Variants in IGSF23 observed in about 807,000 individuals in gnomAD.
IGSF23 encodes the protein immunoglobulin superfamily member 23, also known as immunoglobulin superfamily, member 23.
IGSF23 carries 14 observed loss-of-function variants against 17.8 expected under a neutral mutation model. The observed-to-expected ratio is 0.79, with a 90% CI of 0.52 to 1.23. The LOEUF (loss-of-function observed/expected upper bound fraction) is 1.23. Among genes scored for constraint, IGSF23 ranks in the 50% most tolerant of loss-of-function variants. The pLI, the probability that IGSF23 is intolerant of heterozygous loss-of-function variation, is 0.00. For synonymous variants in IGSF23, 85 were observed against 92.5 expected (o/e 0.92, Z 0.46); for missense variants, 214 against 241.7 (o/e 0.89, Z 0.76).
At chr19:44,633,259 T>C (rs576473074) in intron 3 of IGSF23, among the ~76,000 whole-genome samples, 1 of 152,376 alleles carries the variant, frequency 6.6e-6, no homozygotes, top group African/African-American at 2.4e-5. Flanking sequence ...CAGCGGCCAC[T>C]GTTCTAAACA....
chr19:44,631,735 C>A (rs923892572), intron 3 of IGSF23, among the ~76,000 whole-genome samples: 1 of 152,214 alleles, frequency 6.6e-6, no homozygotes, highest in African/African-American at 2.4e-5. Flanking sequence ...GAAATAAAGG[C>A]ATGGGTATGG....
At chr19:44,628,739 G>A (rs992718808) in intron 3 of IGSF23, among the ~76,000 whole-genome samples, 4 of 152,140 alleles carry the variant, frequency 2.6e-5, no homozygotes. Context: ...GACACAGAGT[G>A]AGACCCTGAG....
chr19:44,614,939 CCA>C (rs1300582323), intron 1 of IGSF23, among the ~76,000 whole-genome samples: 2 of 152,122 alleles, frequency 1.3e-5, no homozygotes, highest in African/African-American at 4.8e-5. Flanking sequence ...TTTCCAGAGA[CCA>C]CACACATCTG....
At chr19:44,614,613 G>A (rs1168767915) in intron 1 of IGSF23, among the ~76,000 whole-genome samples, 3 of 151,934 alleles carry the variant, frequency 2.0e-5, no homozygotes, top group Admixed American at 6.6e-5. Context: ...TTTATTTTTA[G>A]TAGAGATGAG....
At chr19:44,614,072 CAG>C in intron 1 of IGSF23, 1 of 1,186,778 alleles carries the variant, frequency 8.4e-7, no homozygotes, top group Non-Finnish European at 1.2e-6. Flanking sequence ...CACCCCCACT[CAG>C]AGCTTTGACC....
At position 44,613,629 on chromosome 19, in the gene IGSF23, G is replaced by T. The variant is rs1972299951; in HGVS notation, c.-17G>T. ...GCTTCTCCCTCCATCTCCCGGCGGG[G>T]ATTGTACGGTGAGAGAATGAGAGCA... On this transcript the variant is annotated 5_prime_UTR_variant, in exon 1 of 5. Coordinates refer to ENST00000402988, the MANE Select transcript of IGSF23 (RefSeq NM_001205280.2). 1 of 1,537,640 alleles carries T rather than the reference G, an allele frequency of 6.5e-7. No individual in the cohort carries two copies. The highest frequency in any genetic ancestry group is 8.8e-7 in the Non-Finnish European group (1 of 1,137,772).
At chr19:44,613,995 C>T (rs752227492) in intron 1 of IGSF23, 389 of 1,519,488 alleles carry the variant, frequency 2.6e-4, no homozygotes, top group Non-Finnish European at 3.3e-4. Flanking sequence ...TTAACAGGTG[C>T]GTTGGAGACA....
chr19:44,627,390 C>T (rs929301540), intron 2 of IGSF23, 30 bp from the exon 3 acceptor site: 3 of 1,483,518 alleles, frequency 2.0e-6, no homozygotes, highest in Middle Eastern at 2.0e-4. Flanking sequence ...GCAGATGGCT[C>T]CTCCAATCTC....
intron 1 of IGSF23, among the ~76,000 whole-genome samples, chr19:44,622,632 C>T (rs112738108): frequency 1.3e-5 from 2 of 152,182 alleles, no homozygotes; most frequent in African/African-American, 2.4e-5. Context: ...AGCCAGCTCA[C>T]GTCCCTCCTC....
intron 1 of IGSF23, among the ~76,000 whole-genome samples, chr19:44,620,378 T>C (rs1363512565): frequency 7.1e-6 from 1 of 140,084 alleles, no homozygotes; most frequent in African/African-American, 2.6e-5. Context: ...TGTGTGTGTG[T>C]GTGTGTGAGA....
At chr19:44,621,221 TG>T (rs1309469460) in intron 1 of IGSF23, among the ~76,000 whole-genome samples, 1 of 145,608 alleles carries the variant, frequency 6.9e-6, no homozygotes, top group Non-Finnish European at 1.5e-5. Context: ...AGGTTGAGGC[TG>T]CAGTGAGCTG....
chr19:44,634,471 G>C lies in IGSF23; in HGVS notation c.546-930G>C, dbSNP rs1972840470. On this transcript the variant is annotated intron_variant, in intron 3 of 4. Transcript: ENST00000402988. ...AGCTATAATATTTCCCTGTTGATCT[G>C]GGGGGTGTATTCTAACAGGGAACTG... 2.6e-5 allele frequency among the ~76,000 whole-genome samples: 4 copies of C among 152,160 alleles called. 1 individual carries two copies. Among genetic ancestry groups the C allele is most frequent in the Admixed American group, 2.6e-4 (4 of 15,268 alleles).
chr19:44,614,317 C>T (rs904472812), intron 1 of IGSF23, among the ~76,000 whole-genome samples: 7 of 152,166 alleles, frequency 4.6e-5, no homozygotes, highest in African/African-American at 9.7e-5. Flanking sequence ...CCCTGCAATC[C>T]GCAACTTAGT....
chr19:44,624,061 AC>A, intron 2 of IGSF23, 89 bp downstream of exon 2: 1 of 1,166,462 alleles, frequency 8.6e-7, no homozygotes, highest in Non-Finnish European at 1.2e-6. Context: ...CCATTAAGCC[AC>A]CTACTATGAG....
At chr19:44,617,164 C>G in intron 1 of IGSF23, among the ~76,000 whole-genome samples, 1 of 135,164 alleles carries the variant, frequency 7.4e-6, no homozygotes, top group South Asian at 3.0e-4. Context: ...CCCCTCCCCC[C>G]GCCCCCGCAA....
intron 3 of IGSF23, among the ~76,000 whole-genome samples, chr19:44,629,244 T>TACA (rs1168663595): frequency 1.3e-5 from 2 of 152,132 alleles, no homozygotes; most frequent in Non-Finnish European, 2.9e-5. Context: ...TGGCTAGTAC[T>TACA]ACAACGCTAT....
chr19:44,623,581 C>T (rs2123720001), intron 1 of IGSF23, 126 bp from the exon 2 acceptor site: 1 of 1,031,040 alleles, frequency 9.7e-7, no homozygotes, highest in East Asian at 2.6e-5. Flanking sequence ...CAAACACATT[C>T]ATGGGTGAAT....
At chr19:44,620,341 TTGTGTGTGTGTGTGTGTGTG>T (rs373422531) in intron 1 of IGSF23, among the ~76,000 whole-genome samples, 39 of 139,306 alleles carry the variant, frequency 2.8e-4, no homozygotes, top group African/African-American at 1.0e-3. Flanking sequence ...ATGACTAATT[TTGTGTGTGTGTGTGTGTGTG>T]TGTGTGTGTG....
chr19:44,630,910 T>C (rs1485416886), intron 3 of IGSF23, among the ~76,000 whole-genome samples: 1 of 152,180 alleles, frequency 6.6e-6, no homozygotes, highest in Non-Finnish European at 1.5e-5. Context: ...CTGCTGTACA[T>C]GACCTTGTGG....
Sources: gnomAD v4.1 joint callset for allele counts (sites outside exome capture counted in the v4.1 genomes callset) on GRCh38, gnomAD v4.1.1 for gene constraint, MANE v1.5 for transcripts, NCBI Gene and HGNC (gene_info 2026-07-23, HGNC 2026-07-21) for gene names.